Variants in NIPAL3 observed in about 807,000 individuals in gnomAD.
NIPAL3 encodes the protein NIPA-like protein 3.
In NIPAL3, 41 loss-of-function variants were observed where a neutral mutation model predicts 47.2. The ratio of observed to expected loss-of-function variants is 0.87; its 90% confidence interval spans 0.68 to 1.13. The LOEUF is 1.13. Among genes scored for constraint, NIPAL3 ranks in the 50% most tolerant of loss-of-function variants. NIPAL3 has a pLI of 0.00. For missense variants in NIPAL3, 449 were observed against 530.1 expected, an observed-to-expected ratio of 0.85 and a Z score of 1.50; for synonymous variants, 194 against 209.6, an observed-to-expected ratio of 0.93 and a Z score of 0.64.
At position 24,456,234 on chromosome 1, in the gene NIPAL3, T is replaced by C. The variant is rs1005730713; in HGVS notation, c.734T>C (p.Met245Thr). The change falls in exon 8 of 12, where the codon ATG (methionine) becomes ACG (threonine). Residue 245 changes from methionine (M) to threonine (T), a missense_variant. Met to Thr is a moderately conservative substitution (Grantham distance 81). Transcript: ENST00000374399. Reference protein sequence around the residue: ...LQLDYPIFYVMFVCMVATAVY... With the variant: ...LQLDYPIFYVTFVCMVATAVY... ...CTTGACTACCCCATCTTCTACGTGA[T>C]GTTCGTGTGCATGGTGGCAACCGCC... 1.9e-5 allele frequency: 30 copies of C among 1,614,126 alleles called. No individual in the cohort carries two copies. Among genetic ancestry groups the C allele is most frequent in the Non-Finnish European group, 2.3e-5 (27 of 1,180,052 alleles).
chr1:24,451,429 C>T lies in NIPAL3; in HGVS notation c.540+1803C>T, dbSNP rs572853622. Among the ~76,000 whole-genome samples, 17 of 152,140 alleles carry T rather than the reference C, an allele frequency of 1.1e-4. 1 individual carries two copies. In the East Asian group the frequency reaches 1.5e-3, roughly 14 times the overall value. Reference sequence around the variant, plus strand: ...ATGGAGAACGGGCCACATGTGGTGGCTCACACCTATAATCTCAGCACTTTG... The same window carrying T: ...ATGGAGAACGGGCCACATGTGGTGGTTCACACCTATAATCTCAGCACTTTG... On this transcript the variant is annotated intron_variant, in intron 6 of 11. Coordinates refer to ENST00000374399, the MANE Select transcript of NIPAL3 (RefSeq NM_020448.5). The surrounding 1 kb of genome is among the most constrained non-coding windows in gnomAD (Gnocchi z 4.5).
intron 2 of NIPAL3, among the ~76,000 whole-genome samples, chr1:24,422,708 AT>A (rs1403919615): frequency 6.6e-6 from 1 of 152,176 alleles, no homozygotes; most frequent in Non-Finnish European, 1.5e-5. Flanking sequence ...AGAAATCAAG[AT>A]CTCAGGCCAC....
intron 8 of NIPAL3, chr1:24,457,692 A>G (rs763669763): frequency 1.9e-6 from 1 of 524,710 alleles, no homozygotes; most frequent in Non-Finnish European, 3.9e-6. Flanking sequence ...CTGGCTCCCC[A>G]GCCCATGCCC....
rs1365532694 is a variant in NIPAL3, at chr1:24,416,340, CCTT to C, written c.-258+439_-258+441del. The C allele has an allele frequency of 3.0e-6, 3 of 985,114 alleles. No individual in the cohort carries two copies. The highest frequency in any genetic ancestry group is 1.7e-5 in the African/African-American group (1 of 57,204). 61.0% of individuals were successfully genotyped at this position (985,114 alleles called of 1,614,324 possible). On this transcript the variant is annotated intron_variant, in intron 1 of 11. Coordinates refer to ENST00000374399, the MANE Select transcript of NIPAL3 (RefSeq NM_020448.5). The surrounding 1 kb of genome is among the most constrained non-coding windows in gnomAD (Gnocchi z 4.8). ...AGTGGGACGGGACGGAAGAATGTAA[CCTT>C]CTCGTGAGCCAAAGCCGAGGAACGG...
At position 24,449,609 on chromosome 1, in the gene NIPAL3, C is replaced by T; in HGVS notation, c.523C>T (p.Pro175Ser). 3.1e-6 allele frequency: 5 copies of T among 1,613,524 alleles called. No homozygotes were observed. The highest frequency in any genetic ancestry group is 3.4e-6 in the Non-Finnish European group (4 of 1,179,892). Reference protein sequence around the residue: ...ENVTRHLVSWPFLLYMLVEII... With the variant: ...ENVTRHLVSWSFLLYMLVEII... ...TGTCACCAGGCACCTCGTGAGCTGG[C>T]CTTTCCTTTTGTACATGGTAAGAGA... The change falls in exon 6 of 12, where the codon CCT becomes TCT. Residue 175 changes from proline (P) to serine (S), a missense_variant. Physicochemically the swap from Pro to Ser is moderately conservative, Grantham distance 74. Transcript: ENST00000374399. This position sits in a 1 kb window ranked among gnomAD's most constrained non-coding sequence, Gnocchi z 4.5.
chr1:24,454,596 T>A lies in NIPAL3; in HGVS notation c.637+1092T>A. On this transcript the variant is annotated intron_variant, in intron 7 of 11. Coordinates refer to ENST00000374399, the MANE Select transcript of NIPAL3 (RefSeq NM_020448.5). The surrounding 1 kb of genome is among the most constrained non-coding windows in gnomAD (Gnocchi z 4.1). ...ATTTACATACCATAAAGTTCACCTG[T>A]TTAAAGTATACAATTCAGTGGTTTT... 2 of 943,346 alleles carry A rather than the reference T, an allele frequency of 2.1e-6. No homozygotes were observed. Among genetic ancestry groups the A allele is most frequent in the Non-Finnish European group, 2.5e-6 (2 of 791,408 alleles). 58.4% of individuals were successfully genotyped at this position (943,346 alleles called of 1,614,324 possible).
At chr1:24,415,934 G>GGA in intron 1 of NIPAL3, 30 bp downstream of exon 1, 3 of 983,880 alleles carry the variant, frequency 3.0e-6, no homozygotes, top group Non-Finnish European at 3.6e-6. Flanking sequence ...GGGAGGAAGG[G>GGA]GAATTGAATT....
rs777240040 is a variant in NIPAL3, at chr1:24,464,069, A to G, written c.970A>G (p.Arg324Gly). The change falls in exon 11 of 12, where the codon AGG (arginine) becomes GGG (glycine). Residue 324 changes from arginine to glycine, a missense_variant. Transcript: ENST00000374399. ...GGGCGTCTTCTTAATCACGCGTAAC[A>G]GGAAGAAGCCCATTCCATTTGAGCC... ...FLGVFLITRN[R>G]KKPIPFEPYI... 9.9e-6 allele frequency: 16 copies of G among 1,613,488 alleles called. No homozygotes were observed. The highest frequency in any genetic ancestry group is 1.4e-5 in the Non-Finnish European group (16 of 1,179,638).
chr1:24,453,841 T>A (rs1210830618), intron 7 of NIPAL3, among the ~76,000 whole-genome samples: 1 of 152,158 alleles, frequency 6.6e-6, no homozygotes. Context: ...ACGGTAGTAG[T>A]AGAGCATGCC....
At chr1:24,429,176 G>A (rs1368536882) in intron 2 of NIPAL3, among the ~76,000 whole-genome samples, 1 of 152,140 alleles carries the variant, frequency 6.6e-6, no homozygotes, top group Non-Finnish European at 1.5e-5. Context: ...TTGGAAGGCC[G>A]AGGTGGGCAG....
chr1:24,442,861 T>C (rs1236102822), intron 4 of NIPAL3, among the ~76,000 whole-genome samples: 1 of 152,150 alleles, frequency 6.6e-6, no homozygotes, highest in African/African-American at 2.4e-5. Context: ...TCCTAGCTAC[T>C]TGGGAAACAG....
At position 24,442,322 on chromosome 1, in the gene NIPAL3, G is replaced by C. The variant is rs934134024; in HGVS notation, c.334+96G>C. The C allele has an allele frequency of 1.3e-5, 17 of 1,359,208 alleles. 1 individual carries two copies. In the South Asian group the frequency reaches 2.0e-4, roughly 16 times the overall value. The allele number at this position is 1,359,208 out of a possible 1,614,324, so 84.2% of individuals were successfully genotyped here. On this transcript the variant is annotated intron_variant, in intron 4 of 11. Coordinates refer to ENST00000374399, the MANE Select transcript of NIPAL3 (RefSeq NM_020448.5). ...TCAAAGGTGCCCATTGAACAAACCA[G>C]CTTTAGCTTGGATAATAATAGCCTA... is the stretch of plus-strand genomic sequence containing the variant.
intron 4 of NIPAL3, among the ~76,000 whole-genome samples, chr1:24,443,784 CAG>C (rs921098979): frequency 1.3e-5 from 2 of 152,114 alleles, no homozygotes; most frequent in Admixed American, 1.3e-4. Flanking sequence ...AGTAGTTTGC[CAG>C]AGTCTCAGCC....
chr1:24,446,414 T>C (rs2148818964), intron 5 of NIPAL3, among the ~76,000 whole-genome samples: 1 of 152,120 alleles, frequency 6.6e-6, no homozygotes, highest in East Asian at 1.9e-4. Context: ...TTCCCAATGG[T>C]CTCCCTCCCC....
Position 24,454,658 on chromosome 1 carries a change from C to G in NIPAL3, c.637+1154C>G. 3.0e-6 allele frequency: 2 copies of G among 672,020 alleles called. No homozygotes were observed. The highest frequency in any genetic ancestry group is 3.7e-6 in the Non-Finnish European group (2 of 543,982). 41.6% of individuals were successfully genotyped at this position (672,020 alleles called of 1,614,324 possible). A position where few individuals can be genotyped will look rare whatever the true frequency, so the allele number is the denominator to read the frequency against. On this transcript the variant is annotated intron_variant, in intron 7 of 11. Coordinates refer to ENST00000374399, the MANE Select transcript of NIPAL3 (RefSeq NM_020448.5). The surrounding 1 kb of genome is among the most constrained non-coding windows in gnomAD (Gnocchi z 4.1). ...AGAGTTGTGAAACCATCATCCTAAT[C>G]TAATTTTAGAACATTTTGTCACCCC... is the stretch of plus-strand genomic sequence containing the variant.
rs545629550 is a variant in NIPAL3, at chr1:24,419,765, C to T, written c.93+125C>T. 8.6e-6 allele frequency: 7 copies of T among 813,384 alleles called. 1 individual carries two copies. In the African/African-American group the frequency reaches 1.0e-4, roughly 12 times the overall value. The allele number at this position is 813,384 out of a possible 1,614,324, so 50.4% of individuals were successfully genotyped here. On this transcript the variant is annotated intron_variant, in intron 2 of 11. Transcript: ENST00000374399. Reference sequence around the variant, plus strand: ...TGTCACTGGTAGAAACAGGCAGGCTCTTCACACAGACAAGGGAATGTGTAA... The same window carrying T: ...TGTCACTGGTAGAAACAGGCAGGCTTTTCACACAGACAAGGGAATGTGTAA...
intron 10 of NIPAL3, 78 bp downstream of exon 10, chr1:24,460,622 T>C (rs1279815551): frequency 5.0e-6 from 6 of 1,196,592 alleles, no homozygotes; most frequent in Non-Finnish European, 6.9e-6. Flanking sequence ...TCTCCCTTAT[T>C]GCTACAGCCG....
At chr1:24,463,942 TTTCC>T in intron 10 of NIPAL3, 80 bp from the exon 11 acceptor site, 1 of 1,214,826 alleles carries the variant, frequency 8.2e-7, no homozygotes, top group African/African-American at 1.5e-5. Context: ...TTTTTACCTC[TTTCC>T]ATCACCTGAG....
At chr1:24,436,643 C>G (rs1178249369) in intron 2 of NIPAL3, among the ~76,000 whole-genome samples, 1 of 145,098 alleles carries the variant, frequency 6.9e-6, no homozygotes. Flanking sequence ...CGCCCACCAC[C>G]ACGCCCAGAT....
Sources: gnomAD v4.1 joint callset for allele counts (sites outside exome capture counted in the v4.1 genomes callset) on GRCh38, gnomAD v4.1.1 for gene constraint, Gnocchi (gnomAD v3.1) non-coding constraint, MANE v1.5 for transcripts, NCBI Gene and HGNC (gene_info 2026-07-23, HGNC 2026-07-21) for gene names.